The following SYT1 variants were observed in gnomAD, a reference collection of about 807,000 sequenced individuals.
SYT1 encodes the protein synaptotagmin 1.
SYT1 carries 8 observed loss-of-function variants against 44.8 expected under a neutral mutation model. The observed-to-expected ratio is 0.18, with a 90% CI of 0.10 to 0.32. The LOEUF (loss-of-function observed/expected upper bound fraction) is 0.32, where lower values mean the gene tolerates loss of function less well. SYT1 is among the 10% of genes least tolerant of loss of function. SYT1 has a pLI of 1.00. For synonymous variants in SYT1, 154 were observed against 188.8 expected (o/e 0.82, Z 1.51); for missense variants, 286 against 509.3 (o/e 0.56, Z 4.22).
intron 3 of SYT1, among the ~76,000 whole-genome samples, chr12:79,183,342 G>T (rs1308734761): frequency 6.6e-6 from 1 of 152,004 alleles, no homozygotes; most frequent in African/African-American, 2.4e-5. Flanking sequence ...CTGTAGAGAG[G>T]AACTGGTTCA....
chr12:79,211,433 CCTTT>C (rs1434024715), intron 3 of SYT1, among the ~76,000 whole-genome samples: 6 of 151,348 alleles, frequency 4.0e-5, no homozygotes, highest in African/African-American at 1.2e-4. Flanking sequence ...GAAAAATGAC[CCTTT>C]CTTTTTTTTA....
rs933432936 is a variant in SYT1 at position 79,288,512 on chromosome 12, C to T, written c.351+2541C>T. Among the ~76,000 whole-genome samples, 6 of 152,226 alleles carry T rather than the reference C, an allele frequency of 3.9e-5. No individual in the cohort carries two copies. In the East Asian group the frequency reaches 5.8e-4, roughly 15 times the overall value. On this transcript the variant is annotated intron_variant, in intron 5 of 10. Transcript: ENST00000261205. ...ACCATTTTAATTCATATCAAATTCA[C>T]AGAAATTCCAATTTCAATATTCATG... is the stretch of plus-strand genomic sequence containing the variant.
At chr12:79,439,092 ATTT>A (rs1251644929) in intron 9 of SYT1, among the ~76,000 whole-genome samples, 1 of 152,170 alleles carries the variant, frequency 6.6e-6, no homozygotes, top group African/African-American at 2.4e-5. Context: ...CTAATTCCTC[ATTT>A]TCAGCAGAAT....
intron 9 of SYT1, among the ~76,000 whole-genome samples, chr12:79,397,489 A>G (rs12581417): frequency 0.14 from 21,695 of 151,996 alleles, 1,961 homozygotes; most frequent in Middle Eastern, 0.35. Context: ...CAGCCTCCCA[A>G]AGTGTTGCGA....
intron 2 of SYT1, among the ~76,000 whole-genome samples, chr12:79,041,753 C>CT (rs1393107937): frequency 1.3e-5 from 2 of 150,894 alleles, no homozygotes; most frequent in East Asian, 3.9e-4. Context: ...ATGATATTGG[C>CT]TGTGGGTTTG....
At chr12:79,406,995 C>T (rs1207849561) in intron 9 of SYT1, among the ~76,000 whole-genome samples, 1 of 152,012 alleles carries the variant, frequency 6.6e-6, no homozygotes, top group African/African-American at 2.4e-5. Context: ...TGGCCCTGGA[C>T]AAGTTAATTC....
intron 3 of SYT1, among the ~76,000 whole-genome samples, chr12:79,177,071 G>C (rs1871930396): frequency 7.8e-6 from 1 of 128,272 alleles, no homozygotes; most frequent in African/African-American, 3.0e-5. Flanking sequence ...TATACTCTAA[G>C]TTTTAGGGTA....
intron 1 of SYT1, among the ~76,000 whole-genome samples, chr12:78,946,649 T>A (rs1290327144): frequency 6.6e-6 from 1 of 151,350 alleles, no homozygotes; most frequent in African/African-American, 2.4e-5. Context: ...ATCGTGCCAC[T>A]GCACTTCAGC....
intron 4 of SYT1, among the ~76,000 whole-genome samples, chr12:79,246,842 A>C (rs946348437): frequency 6.6e-6 from 1 of 152,126 alleles, no homozygotes; most frequent in Admixed American, 6.5e-5. Flanking sequence ...TTTATCTCTT[A>C]TCTCAATTAT....
chr12:78,959,833 G>GT (rs1879412659), intron 1 of SYT1, among the ~76,000 whole-genome samples: 1 of 152,148 alleles, frequency 6.6e-6, no homozygotes, highest in Admixed American at 6.6e-5. Context: ...CTTTGGAGCT[G>GT]TAAGTGCATT....
intron 9 of SYT1, among the ~76,000 whole-genome samples, chr12:79,369,714 T>A (rs1228547846): frequency 6.6e-6 from 1 of 152,218 alleles, no homozygotes; most frequent in Non-Finnish European, 1.5e-5. Context: ...TTTTTTTATT[T>A]TTTTTGAGAC....
intron 3 of SYT1, among the ~76,000 whole-genome samples, chr12:79,105,935 GAGA>G (rs1878694715): frequency 6.6e-6 from 1 of 151,230 alleles, no homozygotes; most frequent in South Asian, 2.1e-4. Context: ...AGAGACCAAA[GAGA>G]AGGACTGGAT....
chr12:79,367,900 T>TA (rs11294874), intron 9 of SYT1, among the ~76,000 whole-genome samples: 115 of 149,634 alleles, frequency 7.7e-4, no homozygotes, highest in African/African-American at 1.7e-3. Flanking sequence ...TACCTTTTTT[T>TA]AAAAAAAAAA....
At chr12:79,286,394 G>C (rs1342859486) in intron 5 of SYT1, among the ~76,000 whole-genome samples, 1 of 152,190 alleles carries the variant, frequency 6.6e-6, no homozygotes, top group African/African-American at 2.4e-5. Context: ...TTTTACGGCT[G>C]TTCATCAAAC....
chr12:78,961,164 G>C (rs1042606169), intron 1 of SYT1, among the ~76,000 whole-genome samples: 18 of 151,936 alleles, frequency 1.2e-4, no homozygotes, highest in African/African-American at 3.9e-4. Flanking sequence ...CTGGAGTGCA[G>C]TAGTGTGATC....
At chr12:79,050,289 T>G (rs1278449400) in intron 3 of SYT1, among the ~76,000 whole-genome samples, 1 of 152,080 alleles carries the variant, frequency 6.6e-6, no homozygotes. Flanking sequence ...CATCCTCATC[T>G]TCACATTAAC....
In SYT1 at chr12:79,106,997, G is replaced by A. The variant is rs558684526; in HGVS notation, c.-18+59635G>A. Among the ~76,000 whole-genome samples the A allele has an allele frequency of 6.7e-4, 102 of 151,882 alleles. 1 individual carries two copies. The highest frequency in any genetic ancestry group is 2.4e-3 in the African/African-American group (99 of 41,474). Reference sequence around the variant, plus strand: ...GTGTAGACCAGAATTCGGGTTCATAGAAAAAATTCTTTCTTCAAATGAGCA... The same window carrying A: ...GTGTAGACCAGAATTCGGGTTCATAAAAAAAATTCTTTCTTCAAATGAGCA... On this transcript the variant is annotated intron_variant, in intron 3 of 10. Coordinates refer to ENST00000261205, the MANE Select transcript of SYT1 (RefSeq NM_005639.3).
At chr12:79,263,412 T>A (rs1390130121) in intron 4 of SYT1, among the ~76,000 whole-genome samples, 1 of 152,192 alleles carries the variant, frequency 6.6e-6, no homozygotes, top group Non-Finnish European at 1.5e-5. Flanking sequence ...CCCACTATAT[T>A]TTGTGTTTTA....
intron 8 of SYT1, among the ~76,000 whole-genome samples, chr12:79,301,395 C>A (rs1565898114): frequency 6.6e-6 from 1 of 152,100 alleles, no homozygotes; most frequent in African/African-American, 2.4e-5. Context: ...TTTCAGAAAT[C>A]TTTGAGTACG....
Sources: gnomAD v4.1 joint callset for allele counts (sites outside exome capture counted in the v4.1 genomes callset) on GRCh38, gnomAD v4.1.1 for gene constraint, MANE v1.5 for transcripts, NCBI Gene and HGNC (gene_info 2026-07-23, HGNC 2026-07-21) for gene names.